Variants in SLC25A12 observed in about 807,000 individuals in gnomAD.
SLC25A12 encodes electrogenic aspartate/glutamate antiporter SLC25A12, mitochondrial.
In SLC25A12, 32 loss-of-function variants were observed where a neutral mutation model predicts 83.3. That is an observed-to-expected ratio of 0.38 (90% CI 0.29 to 0.52). SLC25A12 has a LOEUF of 0.52. Ranked by LOEUF, SLC25A12 falls within the 20% of genes least tolerant of loss-of-function variation. SLC25A12 has a pLI of 0.84. For missense variants in SLC25A12, 611 were observed against 835.6 expected (o/e 0.73, Z 3.31); for synonymous variants, 267 against 291.1 (o/e 0.92, Z 0.84).
chr2:171,835,187 C>T, intron 6 of SLC25A12, among the ~76,000 whole-genome samples: 1 of 152,194 alleles, frequency 6.6e-6, no homozygotes. Flanking sequence ...CTTCAAGACC[C>T]TCAACTGTGA....
At position 171,875,910 on chromosome 2, in the gene SLC25A12, C is replaced by CAAAAAAAAAAAAAAAAA. The variant is rs34276775; in HGVS notation, c.67-7104_67-7088dup. Among the ~76,000 whole-genome samples the CAAAAAAAAAAAAAAAAA allele has an allele frequency of 2.0e-5, 2 of 99,002 alleles. 1 individual carries two copies. The highest frequency in any genetic ancestry group is 3.8e-5 in the Non-Finnish European group (2 of 52,854). 64.9% of individuals were successfully genotyped at this position (99,002 alleles called of 152,430 possible). A position where few individuals can be genotyped will look rare whatever the true frequency, so the allele number is the denominator to read the frequency against. ...CCTGGGCGAGCGCAAGACTCTGTCTCAAAAAAAAAAAAAAAAAAAAGAAAC... is the reference window on the plus strand; with the variant it reads ...CCTGGGCGAGCGCAAGACTCTGTCTCAAAAAAAAAAAAAAAAAAAAAAAAAAAAAAAAAAAAAGAAAC... On this transcript the variant is annotated intron_variant, in intron 2 of 17. Coordinates refer to ENST00000422440, the MANE Select transcript of SLC25A12 (RefSeq NM_003705.5).
At chr2:171,862,874 TA>T (rs1685192779) in intron 3 of SLC25A12, among the ~76,000 whole-genome samples, 2 of 151,716 alleles carry the variant, frequency 1.3e-5, no homozygotes, top group Non-Finnish European at 2.9e-5. Flanking sequence ...GGGTAGAAAA[TA>T]GAAAGAGGGA....
At chr2:171,883,820 A>G (rs2105929657) in intron 2 of SLC25A12, among the ~76,000 whole-genome samples, 1 of 152,034 alleles carries the variant, frequency 6.6e-6, no homozygotes, top group South Asian at 2.1e-4. Flanking sequence ...ACTTCCTTGG[A>G]CGTGTCACAA....
chr2:171,870,085 C>T (rs1248832599), intron 2 of SLC25A12, among the ~76,000 whole-genome samples: 3 of 152,138 alleles, frequency 2.0e-5, no homozygotes, highest in African/African-American at 7.2e-5. Flanking sequence ...AATTTGTTTA[C>T]TAATATATCC....
At chr2:171,813,308 T>G (rs773143375) in intron 11 of SLC25A12, 31 bp downstream of exon 11, 29 of 1,613,018 alleles carry the variant, frequency 1.8e-5, no homozygotes, top group Non-Finnish European at 2.5e-5. Context: ...ATCAAATCAC[T>G]AACTTCAGCA....
At chr2:171,866,584 G>C (rs1195435657) in intron 3 of SLC25A12, among the ~76,000 whole-genome samples, 4 of 112,798 alleles carry the variant, frequency 3.5e-5, no homozygotes, top group African/African-American at 1.3e-4. Context: ...GGCCGGGCGG[G>C]GGGCTGACCC....
In SLC25A12 at chr2:171,893,207, GTAGAAATATGTT is replaced by G; in HGVS notation, c.52_63del (p.Asn18_Leu21del). 1 of 1,613,860 alleles carries G rather than the reference GTAGAAATATGTT, an allele frequency of 6.2e-7. No individual in the cohort carries two copies. Among genetic ancestry groups the G allele is most frequent in the Non-Finnish European group, 8.5e-7 (1 of 1,179,812 alleles). ...GCACACTATGCAAGCCAATTTACCT[GTAGAAATATGTT>G]TCTTAACTCATGAGGATCCCCTCGC... is the stretch of plus-strand genomic sequence containing the variant. On this transcript the variant is annotated inframe_deletion, in exon 2 of 18. Coordinates refer to ENST00000422440, the MANE Select transcript of SLC25A12 (RefSeq NM_003705.5).
chr2:171,872,359 A>G (rs1685474187), intron 2 of SLC25A12, among the ~76,000 whole-genome samples: 1 of 152,252 alleles, frequency 6.6e-6, no homozygotes. Flanking sequence ...AGTAGATTCC[A>G]TCAATTCCTG....
chr2:171,833,528 C>T (rs1684490717), intron 8 of SLC25A12, among the ~76,000 whole-genome samples: 1 of 152,170 alleles, frequency 6.6e-6, no homozygotes, highest in Non-Finnish European at 1.5e-5. Flanking sequence ...ACCTTGGCCT[C>T]CCAAAGTGCT....
chr2:171,821,090 C>T (rs937613939), intron 9 of SLC25A12, among the ~76,000 whole-genome samples: 6 of 132,282 alleles, frequency 4.5e-5, no homozygotes, highest in African/African-American at 1.2e-4. Flanking sequence ...AGTGCAGTGG[C>T]GCATTCCTGG....
intron 4 of SLC25A12, among the ~76,000 whole-genome samples, chr2:171,854,682 A>G (rs1401995780): frequency 6.6e-6 from 1 of 152,232 alleles, no homozygotes; most frequent in East Asian, 1.9e-4. Context: ...TCACGCTAGA[A>G]AATGTGTCCA....
At position 171,834,061 on chromosome 2, in the gene SLC25A12, A is replaced by G; in HGVS notation, c.752-5T>C. The G allele has an allele frequency of 1.3e-6, 2 of 1,553,120 alleles. No homozygotes were observed. Among genetic ancestry groups the G allele is most frequent in the Non-Finnish European group, 1.8e-6 (2 of 1,124,624 alleles). The stretch of plus-strand genomic sequence containing the variant: ...TGGCACTCTGGGCAAATTCCTCTGG[A>G]ACAGAGAAAAAAAAAGTTAAAATCT... On this transcript the variant is annotated splice_region_variant and splice_polypyrimidine_tract_variant and intron_variant, in intron 7 of 17. Transcript: ENST00000422440.
At chr2:171,877,253 A>G (rs1685591835) in intron 2 of SLC25A12, among the ~76,000 whole-genome samples, 1 of 152,220 alleles carries the variant, frequency 6.6e-6, no homozygotes, top group Non-Finnish European at 1.5e-5. Context: ...CATGCCATTT[A>G]AAAATGTTTT....
intron 6 of SLC25A12, 108 bp from the exon 7 acceptor site, chr2:171,834,973 A>C: frequency 8.4e-7 from 1 of 1,183,500 alleles, no homozygotes; most frequent in Non-Finnish European, 1.2e-6. Context: ...CACTGTTAAA[A>C]TGATGTTAAC....
chr2:171,787,481 T>G lies in SLC25A12; in HGVS notation c.1835+90A>C, dbSNP rs1302354651. 5 of 1,014,354 alleles carry G rather than the reference T, an allele frequency of 4.9e-6. No homozygotes were observed. The East Asian group carries it at 1.2e-4, about 24-fold the overall frequency. The allele number at this position is 1,014,354 out of a possible 1,614,324, so 62.8% of individuals were successfully genotyped here. ...TAAAGGTTCTGTCTTATCAGTTTTC[T>G]AAGAGTTGCAACAATGCTTTTGTAG... is the stretch of plus-strand genomic sequence containing the variant. On this transcript the variant is annotated intron_variant, in intron 17 of 17. Transcript: ENST00000422440.
intron 13 of SLC25A12, among the ~76,000 whole-genome samples, chr2:171,802,414 GT>G (rs1342414136): frequency 7.1e-6 from 1 of 141,692 alleles, no homozygotes; most frequent in East Asian, 8.6e-4. Context: ...GAATGAGTAA[GT>G]TTGTTTGAGA....
chr2:171,825,832 A>G (rs1166457554), intron 9 of SLC25A12, among the ~76,000 whole-genome samples: 1 of 152,200 alleles, frequency 6.6e-6, no homozygotes. Context: ...AGATTTATTA[A>G]AAACTGTTCC....
chr2:171,853,462 G>A (rs1431202806), intron 4 of SLC25A12, among the ~76,000 whole-genome samples: 1 of 151,918 alleles, frequency 6.6e-6, no homozygotes, highest in East Asian at 1.9e-4. Flanking sequence ...GATTACCTGA[G>A]GTCAGGAGTT....
intron 13 of SLC25A12, among the ~76,000 whole-genome samples, chr2:171,802,038 T>G (rs1683718652): frequency 6.6e-6 from 1 of 151,992 alleles, no homozygotes; most frequent in Non-Finnish European, 1.5e-5. Context: ...AAAAATTATT[T>G]AAAACCTACT....
Sources: allele counts gnomAD v4.1 joint callset (sites outside exome capture counted in the v4.1 genomes callset), GRCh38; gene constraint gnomAD v4.1.1; transcripts MANE v1.5; gene names NCBI Gene and HGNC (gene_info 2026-07-23, HGNC 2026-07-21).